Variants in HSPA8 observed in about 807,000 individuals in gnomAD.
HSPA8 encodes heat shock cognate 71 kDa protein.
A neutral mutation model predicts 52.8 loss-of-function variants in HSPA8; 2 were observed. That is an observed-to-expected ratio of 0.04 (90% CI 0.02 to 0.12). The LOEUF is 0.12. Among genes scored for constraint, HSPA8 ranks in the 10% least tolerant of loss-of-function variants. The pLI is 1.00. For synonymous variants in HSPA8, 436 were observed against 274.0 expected, an observed-to-expected ratio of 1.59 and a Z score of -5.84; for missense variants, 349 against 800.5, an observed-to-expected ratio of 0.44 and a Z score of 6.81.
At position 123,059,743 on chromosome 11, in the gene HSPA8, T is replaced by C; in HGVS notation, c.850A>G (p.Ile284Val). Residue 284 changes from isoleucine to valine, a missense_variant, in exon 5 of 9, where the codon ATC becomes GTC. Physicochemically the swap from Ile to Val is conservative, Grantham distance 29. Coordinates refer to ENST00000534624, the MANE Select transcript of HSPA8 (RefSeq NM_006597.6). ...LSSSTQASIE[I>V]DSLYEGIDFY... ...TCGATTCCTTCATAGAGAGAATCGA[T>C]CTCAATACTGGCCTGGGTGCTGGAA... The C allele has an allele frequency of 6.2e-7, 1 of 1,613,868 alleles. No individual in the cohort carries two copies. The highest frequency in any genetic ancestry group is 8.5e-7 in the Non-Finnish European group (1 of 1,179,852).
rs751566931 is a variant in HSPA8, at chr11:123,060,816, T to C, written c.206-18A>G. ...TTTGGCATCTGTAAAAGGTGTCAAA[T>C]GAAAACACTTTCAATTTCATAGCTC... On this transcript the variant is annotated intron_variant, in intron 2 of 8. Transcript: ENST00000534624. 2 of 1,594,464 alleles carry C rather than the reference T, an allele frequency of 1.3e-6. No homozygotes were observed. Among genetic ancestry groups the C allele is most frequent in the East Asian group, 4.5e-5 (2 of 44,756 alleles).
chr11:123,059,346 T>A (rs1865421250), intron 5 of HSPA8, 85 bp from the exon 6 acceptor site: 2 of 1,392,752 alleles, frequency 1.4e-6, no homozygotes, highest in Admixed American at 1.8e-5. Context: ...CGCTCAGACA[T>A]CCAAGGAAGG....
chr11:123,057,659 C>T lies in HSPA8; in HGVS notation c.*75G>A. The T allele has an allele frequency of 1.6e-6, 2 of 1,264,904 alleles. No homozygotes were observed. Among genetic ancestry groups the T allele is most frequent in the African/African-American group, 1.5e-5 (1 of 66,254 alleles). The allele number at this position is 1,264,904 out of a possible 1,614,324, so 78.4% of individuals were successfully genotyped here. On this transcript the variant is annotated 3_prime_UTR_variant, in exon 9 of 9. Coordinates refer to ENST00000534624, the MANE Select transcript of HSPA8 (RefSeq NM_006597.6). ...GCAGCTTAACTTTTTAAAACTGCCA[C>T]AGAATTTGCTACGAATTTAGGTCCT...
At chr11:123,061,730 T>A in intron 1 of HSPA8, 1 of 209,552 alleles carries the variant, frequency 4.8e-6, no homozygotes, top group South Asian at 6.6e-5. Context: ...GGGACTGGAC[T>A]AAGCAGGGAA....
intron 3 of HSPA8, 33 bp from the exon 4 acceptor site, chr11:123,060,301 C>CT: frequency 6.2e-7 from 1 of 1,601,520 alleles, no homozygotes; most frequent in Non-Finnish European, 8.5e-7. Context: ...AGATTGGTAA[C>CT]TATTATACTT....
intron 4 of HSPA8, 29 bp downstream of exon 4, chr11:123,060,087 T>C (rs774277159): frequency 3.1e-6 from 5 of 1,614,094 alleles, no homozygotes; most frequent in Admixed American, 1.7e-5. Context: ...CTTAAAATAA[T>C]CCGAACTTGC....
At chr11:123,059,447 A>G in intron 5 of HSPA8, 26 bp downstream of exon 5, 1 of 1,586,916 alleles carries the variant, frequency 6.3e-7, no homozygotes, top group Non-Finnish European at 8.6e-7. Context: ...GCCTGCCTTT[A>G]GGGTTAATTG....
chr11:123,059,430 T>C (rs1390948553), intron 5 of HSPA8, 43 bp downstream of exon 5: 1 of 1,530,098 alleles, frequency 6.5e-7, no homozygotes, highest in Non-Finnish European at 9.0e-7. Context: ...CGAGTCACCT[T>C]GGGCCTGCCT....
chr11:123,061,555 C>T (rs868044959), intron 1 of HSPA8: 4 of 566,782 alleles, frequency 7.1e-6, no homozygotes, highest in South Asian at 4.1e-5. Context: ...TCTACCCAGA[C>T]GGCGTGGGGC....
In HSPA8 at chr11:123,057,860, G is replaced by A. The variant is rs118171965; in HGVS notation, c.1815C>T (p.Pro605=). 3.1e-6 allele frequency: 5 copies of A among 1,613,130 alleles called. No individual in the cohort carries two copies. The highest frequency in any genetic ancestry group is 2.7e-5 in the African/African-American group (2 of 74,862). ...CACTCTGGTACAGCTTGGTGATGAT[G>A]GGGTTGCAAACTTTCTCCAGCTCTT... ...QQKELEKVCN[P]IITKLYQSAG... The change falls in exon 9 of 9, where the codon CCC becomes CCT. Residue 605 remains proline (P), a synonymous_variant. Coordinates refer to ENST00000534624, the MANE Select transcript of HSPA8 (RefSeq NM_006597.6).
intron 8 of HSPA8, 71 bp from the exon 9 acceptor site, chr11:123,057,990 TC>T: frequency 8.0e-7 from 1 of 1,251,252 alleles, no homozygotes; most frequent in Non-Finnish European, 1.1e-6. Flanking sequence ...CCTGACGCAA[TC>T]TGATACTAAA....
intron 6 of HSPA8, 81 bp from the exon 7 acceptor site, chr11:123,058,911 G>A (rs954984664): frequency 6.9e-6 from 10 of 1,453,420 alleles, no homozygotes; most frequent in African/African-American, 4.2e-5. Flanking sequence ...AAGAATGGTC[G>A]CTCAAACATC....
rs1160399243 is a variant in HSPA8, at chr11:123,058,241, A to C, written c.1755+11T>G. ...AGTGGGGGAGGAAAAAAAAAAAAAA[A>C]AAACACAAACCTGATTCTTATCAAG... On this transcript the variant is annotated intron_variant, in intron 8 of 8. Coordinates refer to ENST00000534624, the MANE Select transcript of HSPA8 (RefSeq NM_006597.6). 12 of 1,518,570 alleles carry C rather than the reference A, an allele frequency of 7.9e-6. No individual in the cohort carries two copies. Among genetic ancestry groups the C allele is most frequent in the Admixed American group, 5.6e-5 (3 of 53,460 alleles). The allele number at this position is 1,518,570 out of a possible 1,614,324, so 94.1% of individuals were successfully genotyped here. A position where few individuals can be genotyped will look rare whatever the true frequency, so the allele number is the denominator to read the frequency against.
rs1266132531 is a variant in HSPA8 at position 123,060,740 on chromosome 11, T to C, written c.264A>G (p.Lys88=). The C allele has an allele frequency of 6.2e-7, 1 of 1,614,094 alleles. No homozygotes were observed. ...FDDAVVQSDM[K]HWPFMVVNDA... Reference sequence around the variant, plus strand: ...CATTCACCACCATAAAGGGCCAATGTTTCATATCAGACTGGACAACAGCAT... The same window carrying C: ...CATTCACCACCATAAAGGGCCAATGCTTCATATCAGACTGGACAACAGCAT... The change falls in exon 3 of 9, where the codon AAA becomes AAG. Residue 88 remains lysine (K), a synonymous_variant. Coordinates refer to ENST00000534624, the MANE Select transcript of HSPA8 (RefSeq NM_006597.6).
At chr11:123,061,710 G>T (rs142283620) in intron 1 of HSPA8, 13 of 272,486 alleles carry the variant, frequency 4.8e-5, no homozygotes, top group South Asian at 2.7e-4. Context: ...CAGCTCTGAA[G>T]AACCACGGTG....
Position 123,059,636 on chromosome 11 carries a change from T to C in HSPA8, c.957A>G (p.Lys319=), listed in dbSNP as rs1591437835. 1.2e-6 allele frequency: 2 copies of C among 1,614,146 alleles called. No homozygotes were observed. The highest frequency in any genetic ancestry group is 1.1e-5 in the South Asian group (1 of 91,084). ...LFRGTLDPVE[K]ALRDAKLDKS... ...TGTCTAGTTTGGCATCTCGAAGGGC[T>C]TTCTCTACTGGGTCCAGGGTGCCAC... The change falls in exon 5 of 9, where the codon AAA becomes AAG. Residue 319 remains lysine (K), a synonymous_variant. Coordinates refer to ENST00000534624, the MANE Select transcript of HSPA8 (RefSeq NM_006597.6).
At chr11:123,058,226 G>GGAAAAA (rs1555074069) in intron 8 of HSPA8, 26 bp downstream of exon 8, 2 of 1,013,500 alleles carry the variant, frequency 2.0e-6, no homozygotes, top group Non-Finnish European at 1.4e-6. Flanking sequence ...AGTGGGGGAG[G>GGAAAAA]AAAAAAAAAA....
chr11:123,059,308 G>GTACA lies in HSPA8; in HGVS notation c.1121-51_1121-48dup, dbSNP rs1865419515. 2.0e-6 allele frequency: 3 copies of GTACA among 1,513,376 alleles called. No individual in the cohort carries two copies. The African/African-American group carries it at 4.1e-5, about 21-fold the overall frequency. The allele number at this position is 1,513,376 out of a possible 1,614,324, so 93.7% of individuals were successfully genotyped here. On this transcript the variant is annotated intron_variant, in intron 5 of 8. Coordinates refer to ENST00000534624, the MANE Select transcript of HSPA8 (RefSeq NM_006597.6). The stretch of plus-strand genomic sequence containing the variant: ...TTAAAAGAAGTTAAAAGAAAACCCA[G>GTACA]TACATAGCTCCTGTTTTAACTATCA...
intron 6 of HSPA8, 89 bp downstream of exon 6, chr11:123,058,970 G>A (rs1865405001): frequency 1.4e-6 from 2 of 1,416,904 alleles, no homozygotes; most frequent in African/African-American, 2.8e-5. Flanking sequence ...AACTACGAAT[G>A]GTTTTGGAAT....
Sources: gnomAD v4.1 joint callset for allele counts on GRCh38, gnomAD v4.1.1 for gene constraint, MANE v1.5 for transcripts, NCBI Gene and HGNC (gene_info 2026-07-23, HGNC 2026-07-21) for gene names.